The following COL5A1 variants were observed in gnomAD, a reference collection of about 807,000 sequenced individuals.
COL5A1 encodes the protein collagen alpha-1(V) chain.
A neutral mutation model predicts 263.7 loss-of-function variants in COL5A1; 16 were observed. That is an observed-to-expected ratio of 0.06 (90% CI 0.04 to 0.09). COL5A1 has a LOEUF of 0.09. Among genes scored for constraint, COL5A1 ranks in the 10% least tolerant of loss-of-function variants. The pLI, the probability that COL5A1 is intolerant of heterozygous loss-of-function variation, is 1.00. For missense variants in COL5A1, 2,036 were observed against 2,540.5 expected (o/e 0.80, Z 4.27); for synonymous variants, 1,012 against 1,004.5 (o/e 1.01, Z -0.14).
At chr9:134,664,403 CA>C (rs1564373690) in intron 1 of COL5A1, among the ~76,000 whole-genome samples, 1 of 151,614 alleles carries the variant, frequency 6.6e-6, no homozygotes, top group East Asian at 2.0e-4. Context: ...AAAAGAAAAG[CA>C]AAAAAACAAC....
intron 11 of COL5A1, among the ~76,000 whole-genome samples, chr9:134,747,476 T>A (rs1309712605): frequency 6.6e-6 from 1 of 150,728 alleles, no homozygotes; most frequent in Admixed American, 6.6e-5. Context: ...TACACATGCA[T>A]ACACACATGC....
Position 134,767,003 on chromosome 9 carries a change from C to T in COL5A1, c.2137C>T (p.Pro713Ser), listed in dbSNP as rs1836694493. The stretch of plus-strand genomic sequence containing the variant: ...CCTTTGCTCTTGTCTCCTGTAGGGT[C>T]CCCAGGGAGAGCCTGGCCCCCCAGG... ...GQPGPKGNVG[P>S]QGEPGPPGQQ... Residue 713 changes from proline (P) to serine (S), a missense_variant, in exon 23 of 66, where the codon CCC becomes TCC. This residue lies in a region of COL5A1 where 1,078 missense variants were observed against 1,521.4 expected (regional missense o/e 0.71). Coordinates refer to ENST00000371817, the MANE Select transcript of COL5A1 (RefSeq NM_000093.5). 1 of 1,613,628 alleles carries T rather than the reference C, an allele frequency of 6.2e-7. No homozygotes were observed. Among genetic ancestry groups the T allele is most frequent in the Non-Finnish European group, 8.5e-7 (1 of 1,179,856 alleles).
At chr9:134,797,446 G>A (rs150009669) in intron 36 of COL5A1, among the ~76,000 whole-genome samples, 7 of 152,074 alleles carry the variant, frequency 4.6e-5, no homozygotes, top group East Asian at 3.9e-4. Flanking sequence ...CCATCTTCAC[G>A]TGGACTTCCG....
intron 18 of COL5A1, among the ~76,000 whole-genome samples, chr9:134,759,314 A>G (rs1161514787): frequency 4.3e-5 from 6 of 138,484 alleles, no homozygotes; most frequent in African/African-American, 1.8e-4. Context: ...ACACCCCCAC[A>G]CTCATACACA....
At chr9:134,805,323 C>A in intron 41 of COL5A1, 109 bp downstream of exon 41, 2 of 1,293,958 alleles carry the variant, frequency 1.5e-6, no homozygotes, top group Non-Finnish European at 2.2e-6. Flanking sequence ...CCCCGAGGAG[C>A]CTGGGGAGGA....
In COL5A1 at chr9:134,750,780, A is replaced by T. The variant is rs530036079; in HGVS notation, c.1570-10A>T. ...CTGCTCCCAGAGTGACCCTTGTCTT[A>T]CACTTGCAGTTCCGGTTTGGAGGTG... On this transcript the variant is annotated splice_polypyrimidine_tract_variant and intron_variant, in intron 12 of 65. Coordinates refer to ENST00000371817, the MANE Select transcript of COL5A1 (RefSeq NM_000093.5). 2 of 1,613,128 alleles carry T rather than the reference A, an allele frequency of 1.2e-6. No individual in the cohort carries two copies. The highest frequency in any genetic ancestry group is 3.3e-5 in the Admixed American group (2 of 60,018).
At position 134,844,454 on chromosome 9, in the gene COL5A1, A is replaced by G. The variant is rs1830191727; in HGVS notation, c.*2151A>G. The G allele has an allele frequency of 6.6e-6, 1 of 152,516 alleles. No homozygotes were observed. The highest frequency in any genetic ancestry group is 2.4e-5 in the African/African-American group (1 of 41,422). 9.4% of individuals were successfully genotyped at this position (152,516 alleles called of 1,614,324 possible). Reference sequence around the variant, plus strand: ...CCTCTGTGGTCCCTTCAAAGTTGTTATAATTTGTACTGAACTTCAAAATGT... The same window carrying G: ...CCTCTGTGGTCCCTTCAAAGTTGTTGTAATTTGTACTGAACTTCAAAATGT... On this transcript the variant is annotated 3_prime_UTR_variant, in exon 66 of 66. Transcript: ENST00000371817.
chr9:134,799,172 A>G (rs1838022838), intron 37 of COL5A1, among the ~76,000 whole-genome samples: 1 of 152,208 alleles, frequency 6.6e-6, no homozygotes, highest in Non-Finnish European at 1.5e-5. Flanking sequence ...AGGCTACTTC[A>G]TCCAGACCAG....
At chr9:134,747,448 T>A (rs930538165) in intron 11 of COL5A1, among the ~76,000 whole-genome samples, 2 of 151,866 alleles carry the variant, frequency 1.3e-5, no homozygotes, top group Non-Finnish European at 2.9e-5. Flanking sequence ...TGCACACACA[T>A]GCATTCCCAC....
At position 134,734,962 on chromosome 9, in the gene COL5A1, G is replaced by A. The variant is rs1209996986; in HGVS notation, c.1389+2835G>A. 2.6e-5 allele frequency among the ~76,000 whole-genome samples: 4 copies of A among 152,240 alleles called. No individual in the cohort carries two copies. The East Asian group carries it at 5.8e-4, about 22-fold the overall frequency. On this transcript the variant is annotated intron_variant, in intron 9 of 65. Coordinates refer to ENST00000371817, the MANE Select transcript of COL5A1 (RefSeq NM_000093.5). Reference sequence around the variant, plus strand: ...GCGGTGGCTCACACCTGTAATCCCAGCACTTTGGGAGGCTGAGGCAGGCAG... The same window carrying A: ...GCGGTGGCTCACACCTGTAATCCCAACACTTTGGGAGGCTGAGGCAGGCAG...
At chr9:134,706,349 C>G (rs938279226) in intron 4 of COL5A1, among the ~76,000 whole-genome samples, 8 of 152,180 alleles carry the variant, frequency 5.3e-5, no homozygotes, top group African/African-American at 1.9e-4. Flanking sequence ...TGGGCTCCCC[C>G]CAGTGCAGGA....
At chr9:134,779,188 G>C (rs141841196) in intron 27 of COL5A1, among the ~76,000 whole-genome samples, 1 of 152,232 alleles carries the variant, frequency 6.6e-6, no homozygotes, top group Non-Finnish European at 1.5e-5. Context: ...CAAGTCCCAC[G>C]GGCAGGTGGC....
In COL5A1 at chr9:134,680,839, A is replaced by G. The variant is rs559166708; in HGVS notation, c.110-10073A>G. On this transcript the variant is annotated intron_variant, in intron 1 of 65. Coordinates refer to ENST00000371817, the MANE Select transcript of COL5A1 (RefSeq NM_000093.5). This position sits in a 1 kb window ranked among gnomAD's most constrained non-coding sequence, Gnocchi z 5.9. ...GAGTTGGACGTTGATGGGAGCTTTTAGGTGGGTGCATGGAACCTGCTTTGG... is the reference window on the plus strand; with the variant it reads ...GAGTTGGACGTTGATGGGAGCTTTTGGGTGGGTGCATGGAACCTGCTTTGG... Among the ~76,000 whole-genome samples the G allele has an allele frequency of 1.3e-5, 2 of 152,144 alleles. No homozygotes were observed. Among genetic ancestry groups the G allele is most frequent in the Non-Finnish European group, 2.9e-5 (2 of 68,028 alleles).
At chr9:134,828,441 CA>C (rs1839387106) in intron 63 of COL5A1, among the ~76,000 whole-genome samples, 1 of 147,792 alleles carries the variant, frequency 6.8e-6, no homozygotes, top group South Asian at 2.1e-4. Context: ...TTCTACCACA[CA>C]CACACACACA....
rs1005391298 is a variant in COL5A1 at position 134,716,526 on chromosome 9, A to G, written c.655-10740A>G. ...CACAAGTGCAGGCCTTTGTGAGGTC[A>G]CCACCCTTTGGGTGGCGAGTCTTTG... is the stretch of plus-strand genomic sequence containing the variant. On this transcript the variant is annotated intron_variant, in intron 4 of 65. Transcript: ENST00000371817. This position sits in a 1 kb window ranked among gnomAD's most constrained non-coding sequence, Gnocchi z 4.5. 2.6e-5 allele frequency among the ~76,000 whole-genome samples: 4 copies of G among 152,186 alleles called. No individual in the cohort carries two copies. The highest frequency in any genetic ancestry group is 9.6e-5 in the African/African-American group (4 of 41,454).
At chr9:134,669,265 C>CCCTTCCCTTT (rs1564376406) in intron 1 of COL5A1, among the ~76,000 whole-genome samples, 1 of 103,380 alleles carries the variant, frequency 9.7e-6, no homozygotes, top group Non-Finnish European at 1.9e-5. Flanking sequence ...CCCTTCCCTT[C>CCCTTCCCTTT]CCTTCCCTTC....
At position 134,842,077 on chromosome 9, in the gene COL5A1, C is replaced by T. The variant is rs1259501388; in HGVS notation, c.5371-80C>T. 12 of 1,556,898 alleles carry T rather than the reference C, an allele frequency of 7.7e-6. No individual in the cohort carries two copies. The highest frequency in any genetic ancestry group is 1.1e-5 in the Non-Finnish European group (12 of 1,130,446). The stretch of plus-strand genomic sequence containing the variant: ...CACCAGCCTGGGTTTTGGAGCCAGA[C>T]AGATTGTGGGGGGTGATTGGTAAAC... On this transcript the variant is annotated intron_variant, in intron 65 of 65. Transcript: ENST00000371817. This position sits in a 1 kb window ranked among gnomAD's most constrained non-coding sequence, Gnocchi z 5.8.
intron 1 of COL5A1, among the ~76,000 whole-genome samples, chr9:134,648,746 T>C (rs1304300976): frequency 2.0e-5 from 3 of 152,202 alleles, no homozygotes; most frequent in Non-Finnish European, 4.4e-5. Context: ...GGTGTCACAC[T>C]GCTGCTTCCC....
intron 11 of COL5A1, among the ~76,000 whole-genome samples, chr9:134,748,167 C>T (rs1282151049): frequency 6.6e-6 from 1 of 151,160 alleles, no homozygotes; most frequent in African/African-American, 2.4e-5. Flanking sequence ...TCCACACGTG[C>T]ACACACATGC....
Sources: allele counts gnomAD v4.1 joint callset (sites outside exome capture counted in the v4.1 genomes callset), GRCh38; gene constraint gnomAD v4.1.1; regional missense constraint gnomAD v4.1.1; non-coding constraint Gnocchi (gnomAD v3.1); transcripts MANE v1.5; gene names NCBI Gene and HGNC (gene_info 2026-07-23, HGNC 2026-07-21).